Variants in SH3GLB2 observed in about 807,000 individuals in gnomAD.
The protein encoded by SH3GLB2 is endophilin-B2.
A neutral mutation model predicts 48.0 loss-of-function variants in SH3GLB2; 24 were observed. The observed-to-expected ratio is 0.50, with a 90% CI of 0.36 to 0.70. SH3GLB2 has a LOEUF of 0.70. Among genes scored for constraint, SH3GLB2 ranks in the 30% least tolerant of loss-of-function variants. The pLI is 0.00. For missense variants in SH3GLB2, 425 were observed against 516.0 expected (o/e 0.82, Z 1.71); for synonymous variants, 227 against 207.6 (o/e 1.09, Z -0.80).
rs13440035 is a variant in SH3GLB2, at chr9:129,010,221, A to G, written c.649-12T>C. The G allele has an allele frequency of 2.0e-3, 3,302 of 1,612,746 alleles. 39 individuals are homozygous for G. The African/African-American group carries it at 0.032, about 16-fold the overall frequency. On this transcript the variant is annotated splice_polypyrimidine_tract_variant and intron_variant, in intron 7 of 10. Transcript: ENST00000372564. ...AGCTCCTGCTCGGCCTGGGCAGGGC[A>G]GGGCAGCCATGAGCACCCACACACC...
At chr9:129,010,630 C>G in intron 7 of SH3GLB2, 40 bp downstream of exon 7, 1 of 1,611,768 alleles carries the variant, frequency 6.2e-7, no homozygotes, top group Non-Finnish European at 8.5e-7. Flanking sequence ...ACCCCGCCAC[C>G]CCTTCTTCCT....
chr9:129,023,786 T>C (rs1167650101), intron 1 of SH3GLB2, among the ~76,000 whole-genome samples: 2 of 152,280 alleles, frequency 1.3e-5, no homozygotes, highest in East Asian at 1.9e-4. Flanking sequence ...GCCAGGGGTA[T>C]GGCCTCAGCT....
rs928767706 is a variant in SH3GLB2 at position 129,028,133 on chromosome 9, G to A, written c.22C>T (p.Leu8=). The A allele has an allele frequency of 2.8e-5, 42 of 1,495,526 alleles. 1 individual carries two copies. Among genetic ancestry groups the A allele is most frequent in the Non-Finnish European group, 3.7e-5 (42 of 1,125,048 alleles). The allele number at this position is 1,495,526 out of a possible 1,614,324, so 92.6% of individuals were successfully genotyped here. MDFNMKK[L]ASDAGIFFTR... ...AAGAAGATGCCCGCGTCCGACGCCAGCTTCTTCATGTTGAAGTCCATGGCG... is the reference window on the plus strand; with the variant it reads ...AAGAAGATGCCCGCGTCCGACGCCAACTTCTTCATGTTGAAGTCCATGGCG... The change falls in exon 1 of 11, where the codon CTG becomes TTG. Residue 8 remains leucine, a synonymous_variant. Transcript: ENST00000372564.
intron 9 of SH3GLB2, 185 bp from the exon 10 acceptor site, chr9:129,009,531 G>C: frequency 3.2e-6 from 5 of 1,547,956 alleles, no homozygotes; most frequent in Non-Finnish European, 4.4e-6. Context: ...CCTGGTCCCT[G>C]CCATCCTCCC....
intron 7 of SH3GLB2, 32 bp downstream of exon 7, chr9:129,010,638 C>G: frequency 1.2e-6 from 2 of 1,613,180 alleles, no homozygotes; most frequent in Non-Finnish European, 1.7e-6. Flanking sequence ...ACCCCTTCTT[C>G]CTCGAGCCCA....
rs1844075501 is a variant in SH3GLB2, at chr9:129,025,211, G to GGCTGCAGTGAGCTGAGACT, written c.64-2807_64-2789dup. Among the ~76,000 whole-genome samples, 13 of 149,992 alleles carry GGCTGCAGTGAGCTGAGACT rather than the reference G, an allele frequency of 8.7e-5. No individual in the cohort carries two copies. The South Asian group carries it at 2.7e-3, about 32-fold the overall frequency. ...GAATTGCTTGAACCGGGGAGGCGGA[G>GGCTGCAGTGAGCTGAGACT]GCTGCAGTGAGCTGAGACTGCGCCA... On this transcript the variant is annotated intron_variant, in intron 1 of 10. Transcript: ENST00000372564.
intron 6 of SH3GLB2, chr9:129,010,987 A>T (rs1843088078): frequency 4.2e-6 from 2 of 479,582 alleles, no homozygotes; most frequent in Non-Finnish European, 7.5e-6. Context: ...AGAGAGACGG[A>T]GTGTCCCCAC....
At chr9:129,017,913 A>G (rs1263650993) in intron 3 of SH3GLB2, among the ~76,000 whole-genome samples, 3 of 145,238 alleles carry the variant, frequency 2.1e-5, no homozygotes, top group Non-Finnish European at 4.5e-5. Flanking sequence ...AAAAAAAAAA[A>G]AAAAAAAATT....
Position 129,011,904 on chromosome 9 carries a change from T to G in SH3GLB2, c.624+332A>C. 3 of 281,442 alleles carry G rather than the reference T, an allele frequency of 1.1e-5. No homozygotes were observed. The highest frequency in any genetic ancestry group is 2.2e-5 in the African/African-American group (1 of 45,822). The allele number at this position is 281,442 out of a possible 1,614,324, so 17.4% of individuals were successfully genotyped here. The stretch of plus-strand genomic sequence containing the variant: ...CTCAGGGCCTCCCCAGGGCCTGGCA[T>G]TCAGAGACAGCAGGAGGTGGAGGGG... On this transcript the variant is annotated intron_variant, in intron 6 of 10. Coordinates refer to ENST00000372564, the MANE Select transcript of SH3GLB2 (RefSeq NM_020145.4). This position sits in a 1 kb window ranked among gnomAD's most constrained non-coding sequence, Gnocchi z 4.5.
chr9:129,014,649 C>A lies in SH3GLB2; in HGVS notation c.468+122G>T. 6.7e-7 allele frequency: 1 copy of A among 1,494,586 alleles called. No homozygotes were observed. The allele number at this position is 1,494,586 out of a possible 1,614,324, so 92.6% of individuals were successfully genotyped here. A position where few individuals can be genotyped will look rare whatever the true frequency, so the allele number is the denominator to read the frequency against. ...TAGGAGGTCACTCAGTCCAAAGGAG[C>A]CCTCTCTGGGGAGGCCTCAGGAGTT... On this transcript the variant is annotated intron_variant, in intron 4 of 10. Transcript: ENST00000372564. This position sits in a 1 kb window ranked among gnomAD's most constrained non-coding sequence, Gnocchi z 4.1.
Position 129,007,351 on chromosome 9 carries a change from CTGAGCTCATCCCTGGG to C in SH3GLB2, c.*1317_*1332del, listed in dbSNP as rs1033668547. 1 of 152,312 alleles carries C rather than the reference CTGAGCTCATCCCTGGG, an allele frequency of 6.6e-6. No individual in the cohort carries two copies. The highest frequency in any genetic ancestry group is 1.5e-5 in the Non-Finnish European group (1 of 68,124). 9.4% of individuals were successfully genotyped at this position (152,312 alleles called of 1,614,324 possible). ...ACCCTGCTTTCATTGGCCCAGTGGG[CTGAGCTCATCCCTGGG>C]TGAGCCTTTCTTGAAGCTCTGTGCC... On this transcript the variant is annotated 3_prime_UTR_variant, in exon 11 of 11. Coordinates refer to ENST00000372564, the MANE Select transcript of SH3GLB2 (RefSeq NM_020145.4).
chr9:129,023,618 G>A (rs984223556), intron 1 of SH3GLB2, among the ~76,000 whole-genome samples: 2 of 152,198 alleles, frequency 1.3e-5, no homozygotes, highest in Admixed American at 1.3e-4. Flanking sequence ...GCAAGGGGCA[G>A]GGCCACGCAG....
intron 1 of SH3GLB2, among the ~76,000 whole-genome samples, chr9:129,024,746 G>A (rs959587500): frequency 6.6e-6 from 1 of 150,964 alleles, no homozygotes; most frequent in Non-Finnish European, 1.5e-5. Context: ...CGAGGTGGGC[G>A]GATCACGAGG....
At chr9:129,024,256 C>CAAAAAAA (rs1169096733) in intron 1 of SH3GLB2, among the ~76,000 whole-genome samples, 4 of 54,504 alleles carry the variant, frequency 7.3e-5, no homozygotes, top group Admixed American at 2.3e-4. Context: ...CTCCTCTCTA[C>CAAAAAAA]AAAAAAAAAA....
At chr9:129,009,630 G>T in intron 9 of SH3GLB2, 141 bp downstream of exon 9, 1 of 1,381,204 alleles carries the variant, frequency 7.2e-7, no homozygotes, top group Non-Finnish European at 1.0e-6. Flanking sequence ...CACATGAGAT[G>T]CCCGCACCCA....
chr9:129,026,882 G>A (rs1844195219), intron 1 of SH3GLB2, among the ~76,000 whole-genome samples: 1 of 152,196 alleles, frequency 6.6e-6, no homozygotes, highest in South Asian at 2.1e-4. Flanking sequence ...ATTAAGCAGT[G>A]AATTCTCGCT....
At position 129,010,207 on chromosome 9, in the gene SH3GLB2, G is replaced by A. The variant is rs541277736; in HGVS notation, c.651C>T (p.Ala217=). The change falls in exon 8 of 11, where the codon GCC becomes GCT. Residue 217 remains alanine, a splice_region_variant and synonymous_variant. Coordinates refer to ENST00000372564, the MANE Select transcript of SH3GLB2 (RefSeq NM_020145.4). ...SALWNDEVDK[A]EQELRVAQTE... is the part of the protein sequence containing the mutation. ...TCTGGGCCACGCGGAGCTCCTGCTC[G>A]GCCTGGGCAGGGCAGGGCAGCCATG... is the stretch of plus-strand genomic sequence containing the variant. The A allele has an allele frequency of 1.7e-5, 28 of 1,613,362 alleles. No homozygotes were observed. The highest frequency in any genetic ancestry group is 1.7e-4 in the Middle Eastern group (1 of 6,036).
At position 129,028,297 on chromosome 9, in the gene SH3GLB2, C is replaced by G. The variant is rs1844291538; in HGVS notation, c.-143G>C. The G allele has an allele frequency of 2.3e-6, 1 of 429,064 alleles. No individual in the cohort carries two copies. The highest frequency in any genetic ancestry group is 2.2e-5 in the African/African-American group (1 of 46,186). 26.6% of individuals were successfully genotyped at this position (429,064 alleles called of 1,614,324 possible). A position where few individuals can be genotyped will look rare whatever the true frequency, so the allele number is the denominator to read the frequency against. On this transcript the variant is annotated 5_prime_UTR_variant, in exon 1 of 11. Transcript: ENST00000372564. ...GCCTGCCGGCCTGCCCGCCTGCCCG[C>G]CCGCCGCAGCCGCCGAGCCAGCCCG...
intron 9 of SH3GLB2, 112 bp downstream of exon 9, chr9:129,009,659 C>T (rs780509343): frequency 1.4e-4 from 192 of 1,361,886 alleles, no homozygotes; most frequent in Non-Finnish European, 1.9e-4. Flanking sequence ...TCCAGCAGAG[C>T]CCTCCAACCC....
Sources: gnomAD v4.1 joint callset for allele counts (sites outside exome capture counted in the v4.1 genomes callset) on GRCh38, gnomAD v4.1.1 for gene constraint, Gnocchi (gnomAD v3.1) non-coding constraint, MANE v1.5 for transcripts, NCBI Gene and HGNC (gene_info 2026-07-23, HGNC 2026-07-21) for gene names.